The following SHROOM3 variants were observed in gnomAD, a reference collection of about 807,000 sequenced individuals.
The protein encoded by SHROOM3 is protein Shroom3.
A neutral mutation model predicts 138.6 loss-of-function variants in SHROOM3; 47 were observed. The ratio of observed to expected loss-of-function variants is 0.34; its 90% CI spans 0.27 to 0.43. The LOEUF (loss-of-function observed/expected upper bound fraction) is 0.43. SHROOM3 is among the 20% of genes least tolerant of loss of function. The pLI is 1.00. For synonymous variants in SHROOM3, 1,062 were observed against 1,063.3 expected, an observed-to-expected ratio of 1.00 and a Z score of 0.02; for missense variants, 2,491 against 2,596.5, an observed-to-expected ratio of 0.96 and a Z score of 0.88.
rs766138868 is a variant in SHROOM3 at position 76,741,757 on chromosome 4, G to A, written c.3584G>A (p.Gly1195Glu). Reference protein sequence around the residue: ...RGDLLSGANGGTRGTQRGDET... With the variant: ...RGDLLSGANGETRGTQRGDET... The stretch of plus-strand genomic sequence containing the variant: ...GACCTGCTTAGCGGAGCAAACGGTG[G>A]AACAAGGGGCACCCAGAGAGGGGAT... The change falls in exon 5 of 11, where the codon GGA (glycine) becomes GAA (glutamate). Residue 1195 changes from glycine (G) to glutamate (E), a missense_variant. By Grantham distance (98) the Gly-to-Glu change is moderately conservative (BLOSUM62 -2). Transcript: ENST00000296043. This position sits in a 1 kb window ranked among gnomAD's most constrained non-coding sequence, Gnocchi z 6.2. 80 of 1,566,480 alleles carry A rather than the reference G, an allele frequency of 5.1e-5. No individual in the cohort carries two copies. Among genetic ancestry groups the A allele is most frequent in the Non-Finnish European group, 6.2e-5 (72 of 1,156,150 alleles).
At chr4:76,658,209 G>C (rs181323985) in intron 2 of SHROOM3, among the ~76,000 whole-genome samples, 1 of 152,142 alleles carries the variant, frequency 6.6e-6, no homozygotes, top group East Asian at 1.9e-4. Context: ...CCAAATTACA[G>C]GGTTTCAAAC....
intron 1 of SHROOM3, among the ~76,000 whole-genome samples, chr4:76,468,600 A>C (rs1006408204): frequency 1.3e-5 from 2 of 151,084 alleles, no homozygotes; most frequent in Non-Finnish European, 2.9e-5. Context: ...TGTATTATAT[A>C]TAAATATATA....
At chr4:76,706,335 G>T (rs543699855) in intron 2 of SHROOM3, among the ~76,000 whole-genome samples, 18 of 152,180 alleles carry the variant, frequency 1.2e-4, no homozygotes, top group African/African-American at 4.3e-4. Flanking sequence ...GGCTGGTCTC[G>T]ATCGCTTGAC....
At chr4:76,551,511 A>T (rs1733352228) in intron 1 of SHROOM3, among the ~76,000 whole-genome samples, 1 of 152,204 alleles carries the variant, frequency 6.6e-6, no homozygotes, top group Admixed American at 6.5e-5. Flanking sequence ...AGCTTTTAGC[A>T]CCATAGCTGA....
chr4:76,654,351 T>G (rs1215927824), intron 2 of SHROOM3, among the ~76,000 whole-genome samples: 1 of 152,160 alleles, frequency 6.6e-6, no homozygotes, highest in African/African-American at 2.4e-5. Flanking sequence ...GGGGAGCCAT[T>G]GAGAGCCTTC....
intron 1 of SHROOM3, among the ~76,000 whole-genome samples, chr4:76,449,001 G>C (rs888255970): frequency 6.6e-6 from 1 of 152,158 alleles, no homozygotes; most frequent in African/African-American, 2.4e-5. Flanking sequence ...ACCCTCTCAT[G>C]GGATGGGTGT....
At chr4:76,691,393 G>A (rs1007052303) in intron 2 of SHROOM3, among the ~76,000 whole-genome samples, 1 of 152,078 alleles carries the variant, frequency 6.6e-6, no homozygotes, top group African/African-American at 2.4e-5. Context: ...CCTGGGACCA[G>A]GTCCTCTGTG....
intron 5 of SHROOM3, among the ~76,000 whole-genome samples, chr4:76,746,883 G>C (rs1385040750): frequency 6.6e-6 from 1 of 151,240 alleles, no homozygotes; most frequent in Non-Finnish European, 1.5e-5. Flanking sequence ...CTGGCGCAAT[G>C]TCGGCTCACT....
chr4:76,650,690 G>A (rs909460427), intron 2 of SHROOM3, among the ~76,000 whole-genome samples: 11 of 152,078 alleles, frequency 7.2e-5, no homozygotes, highest in South Asian at 4.1e-4. Flanking sequence ...GATTACAGGC[G>A]TATGCCACCA....
chr4:76,728,301 T>C (rs1011011527), intron 3 of SHROOM3, among the ~76,000 whole-genome samples: 2 of 152,212 alleles, frequency 1.3e-5, no homozygotes, highest in African/African-American at 4.8e-5. Context: ...GGGAGGTAAT[T>C]GAATGATGGA....
At chr4:76,620,691 G>A (rs899330272) in intron 2 of SHROOM3, among the ~76,000 whole-genome samples, 5 of 152,128 alleles carry the variant, frequency 3.3e-5, no homozygotes, top group African/African-American at 7.2e-5. Flanking sequence ...AGTGGAGAAC[G>A]GTGAGGCAGA....
intron 2 of SHROOM3, among the ~76,000 whole-genome samples, chr4:76,557,030 G>A (rs1436118543): frequency 6.6e-6 from 1 of 152,106 alleles, no homozygotes; most frequent in Non-Finnish European, 1.5e-5. Context: ...GACAGACCCG[G>A]GTTCAAATTC....
intron 3 of SHROOM3, among the ~76,000 whole-genome samples, chr4:76,718,498 G>A (rs905405192): frequency 6.6e-6 from 1 of 152,178 alleles, no homozygotes; most frequent in South Asian, 2.1e-4. Flanking sequence ...GCCAGTCTGA[G>A]TTGAAAATAT....
chr4:76,740,072 C>T lies in SHROOM3; in HGVS notation c.1899C>T (p.Asp633=). The T allele has an allele frequency of 6.2e-7, 1 of 1,613,792 alleles. No individual in the cohort carries two copies. Among genetic ancestry groups the T allele is most frequent in the East Asian group, 2.2e-5 (1 of 44,876 alleles). ...SEPWEGDFQE[D]HNANLWRRLE... is the part of the protein sequence containing the mutation. ...CCTGGGAGGGCGATTTCCAGGAAGA[C>T]CACAATGCCAACCTCTGGAGGAGGC... is the stretch of plus-strand genomic sequence containing the variant. The change falls in exon 5 of 11, where the codon GAC becomes GAT. Residue 633 remains aspartate (D), a synonymous_variant. Coordinates refer to ENST00000296043, the MANE Select transcript of SHROOM3 (RefSeq NM_020859.4). This position sits in a 1 kb window ranked among gnomAD's most constrained non-coding sequence, Gnocchi z 4.0.
chr4:76,586,195 C>T lies in SHROOM3; in HGVS notation c.323+30432C>T, dbSNP rs1294923663. ...CGGCCGGCGATTGGCCGGGAGGAGG[C>T]AGTCATTCAAACTGCCTTTTGTGTT... On this transcript the variant is annotated intron_variant, in intron 2 of 10. Transcript: ENST00000296043. 4.2e-6 allele frequency: 4 copies of T among 951,486 alleles called. No individual in the cohort carries two copies. The Admixed American group carries it at 1.8e-4, about 44-fold the overall frequency. 58.9% of individuals were successfully genotyped at this position (951,486 alleles called of 1,614,324 possible). A position where few individuals can be genotyped will look rare whatever the true frequency, so the allele number is the denominator to read the frequency against.
intron 1 of SHROOM3, among the ~76,000 whole-genome samples, chr4:76,451,841 T>G (rs115732124): frequency 6.6e-6 from 1 of 152,152 alleles, no homozygotes; most frequent in South Asian, 2.1e-4. Context: ...TTTTTAAAGG[T>G]TTTTTTAGAA....
At chr4:76,726,101 G>A (rs1720697025) in intron 3 of SHROOM3, among the ~76,000 whole-genome samples, 1 of 152,000 alleles carries the variant, frequency 6.6e-6, no homozygotes, top group Non-Finnish European at 1.5e-5. Context: ...CTTGCTAGTT[G>A]CCAAATCCAG....
At chr4:76,517,690 T>TC (rs1251536876) in intron 1 of SHROOM3, among the ~76,000 whole-genome samples, 2 of 152,042 alleles carry the variant, frequency 1.3e-5, no homozygotes, top group Non-Finnish European at 1.5e-5. Context: ...GAAAATTTCT[T>TC]CAACAATATG....
At chr4:76,757,595 C>T (rs1721860990) in intron 8 of SHROOM3, among the ~76,000 whole-genome samples, 3 of 152,164 alleles carry the variant, frequency 2.0e-5, no homozygotes, top group Admixed American at 1.3e-4. Context: ...CTGACCCTTA[C>T]CTCTGAGGCA....
Sources: allele counts gnomAD v4.1 joint callset (sites outside exome capture counted in the v4.1 genomes callset), GRCh38; gene constraint gnomAD v4.1.1; non-coding constraint Gnocchi (gnomAD v3.1); transcripts MANE v1.5; gene names NCBI Gene and HGNC (gene_info 2026-07-23, HGNC 2026-07-21).